Variants in TENM4 observed in about 807,000 individuals in gnomAD.
The protein encoded by TENM4 is teneurin-4.
In TENM4, 82 loss-of-function variants were observed where a neutral mutation model predicts 243.3. The ratio of observed to expected loss-of-function variants is 0.34; its 90% CI spans 0.28 to 0.40. The LOEUF is 0.40. Among genes scored for constraint, TENM4 ranks in the 10% least tolerant of loss-of-function variants. TENM4 has a pLI of 1.00. For missense variants in TENM4, 3,138 were observed against 3,673.3 expected, an observed-to-expected ratio of 0.85 and a Z score of 3.77; for synonymous variants, 1,412 against 1,456.3, an observed-to-expected ratio of 0.97 and a Z score of 0.69.
intron 3 of TENM4, among the ~76,000 whole-genome samples, chr11:79,162,495 A>ATTG (rs1332680606): frequency 1.8e-4 from 25 of 142,416 alleles, no homozygotes; most frequent in African/African-American, 6.8e-4. Context: ...ATTTATTATT[A>ATTG]TTGTTATCTG....
intron 3 of TENM4, among the ~76,000 whole-genome samples, chr11:79,162,945 G>C (rs1862784143): frequency 6.6e-6 from 1 of 152,246 alleles, no homozygotes; most frequent in Non-Finnish European, 1.5e-5. Flanking sequence ...CTTCAGCTCT[G>C]AGGGAGCTAT....
At chr11:78,743,765 T>C (rs1391029888) in intron 19 of TENM4, among the ~76,000 whole-genome samples, 2 of 152,178 alleles carry the variant, frequency 1.3e-5, no homozygotes, top group African/African-American at 4.8e-5. Flanking sequence ...GATTATTCAA[T>C]GTATATTATA....
chr11:79,296,193 G>A (rs375271196), intron 2 of TENM4, among the ~76,000 whole-genome samples: 1 of 152,154 alleles, frequency 6.6e-6, no homozygotes, highest in African/African-American at 2.4e-5. Flanking sequence ...CTAATCCACA[G>A]CATTCTCTGT....
In TENM4 at chr11:79,192,714, C is replaced by A. The variant is rs570307904; in HGVS notation, c.-163+23094G>T. Among the ~76,000 whole-genome samples, 15 of 151,864 alleles carry A rather than the reference C, an allele frequency of 9.9e-5. No individual in the cohort carries two copies. In the South Asian group the frequency reaches 3.1e-3, roughly 32 times the overall value. On this transcript the variant is annotated intron_variant, in intron 3 of 33. Coordinates refer to ENST00000278550, the MANE Select transcript of TENM4 (RefSeq NM_001098816.3). ...AGTGTCCTATGACCCTGCCAAATCC[C>A]CCTCTGTGAGAAACACCCAAGAATG...
chr11:79,020,074 A>G (rs1406001479), intron 6 of TENM4, among the ~76,000 whole-genome samples: 1 of 152,144 alleles, frequency 6.6e-6, no homozygotes, highest in Non-Finnish European at 1.5e-5. Context: ...GCCCTTTCCC[A>G]AAACTCATCA....
intron 6 of TENM4, among the ~76,000 whole-genome samples, chr11:78,955,893 G>T (rs991129): frequency 1.3e-5 from 2 of 152,138 alleles, no homozygotes; most frequent in Non-Finnish European, 1.5e-5. Flanking sequence ...GGGCCATAAT[G>T]GTCTGCCCCA....
chr11:79,184,417 C>T (rs1438897055), intron 3 of TENM4, among the ~76,000 whole-genome samples: 4 of 152,058 alleles, frequency 2.6e-5, no homozygotes, highest in Non-Finnish European at 4.4e-5. Flanking sequence ...GAATTTAATG[C>T]CCCCACTGAT....
intron 4 of TENM4, among the ~76,000 whole-genome samples, chr11:79,100,528 AG>A (rs1164989220): frequency 6.6e-6 from 1 of 152,190 alleles, no homozygotes; most frequent in African/African-American, 2.4e-5. Context: ...GGCAGGACTG[AG>A]GCCTGCCCTC....
intron 7 of TENM4, among the ~76,000 whole-genome samples, chr11:78,891,649 CAA>C (rs899734665): frequency 6.6e-6 from 1 of 152,190 alleles, no homozygotes; most frequent in African/African-American, 2.4e-5. Flanking sequence ...CTCAAATCTT[CAA>C]AATGGCTATG....
intron 12 of TENM4, among the ~76,000 whole-genome samples, chr11:78,831,365 G>A (rs140486347): frequency 1.6e-4 from 24 of 152,322 alleles, no homozygotes; most frequent in East Asian, 9.6e-4. Context: ...GCTCCTGGCC[G>A]GGTGAAGAGC....
intron 19 of TENM4, among the ~76,000 whole-genome samples, chr11:78,740,753 G>A (rs1855911661): frequency 6.6e-6 from 1 of 152,196 alleles, no homozygotes; most frequent in Non-Finnish European, 1.5e-5. Context: ...CAGTCCTGGG[G>A]GGATGGCTTC....
chr11:79,405,689 T>C (rs1247667828), intron 1 of TENM4, among the ~76,000 whole-genome samples: 2 of 151,952 alleles, frequency 1.3e-5, no homozygotes, highest in Non-Finnish European at 2.9e-5. Context: ...TCCCCATATA[T>C]ATCATTTTGA....
intron 1 of TENM4, among the ~76,000 whole-genome samples, chr11:79,402,320 G>T (rs1565331695): frequency 6.6e-6 from 1 of 152,194 alleles, no homozygotes; most frequent in Non-Finnish European, 1.5e-5. Flanking sequence ...CTGAATATCA[G>T]TGACACAAAT....
chr11:79,400,837 G>A (rs1180818812), intron 1 of TENM4, among the ~76,000 whole-genome samples: 1 of 152,110 alleles, frequency 6.6e-6, no homozygotes, highest in Non-Finnish European at 1.5e-5. Flanking sequence ...GTTTGCCATC[G>A]TTCCACTTTA....
At chr11:78,896,460 G>C (rs770018459) in intron 7 of TENM4, among the ~76,000 whole-genome samples, 2 of 152,152 alleles carry the variant, frequency 1.3e-5, no homozygotes, top group African/African-American at 2.4e-5. Flanking sequence ...GCTCTTGCTA[G>C]CTATTCACCC....
chr11:79,155,191 G>A (rs570719370), intron 3 of TENM4, among the ~76,000 whole-genome samples: 1 of 152,160 alleles, frequency 6.6e-6, no homozygotes, highest in Non-Finnish European at 1.5e-5. Context: ...CCAGAAGAGG[G>A]ACAGATCCGG....
chr11:78,816,847 G>A (rs954592209), intron 12 of TENM4, among the ~76,000 whole-genome samples: 1 of 152,194 alleles, frequency 6.6e-6, no homozygotes, highest in African/African-American at 2.4e-5. Context: ...TAAGTCAACT[G>A]TTGCATGAGG....
chr11:78,916,327 C>T (rs1856315739), intron 6 of TENM4, among the ~76,000 whole-genome samples: 1 of 152,142 alleles, frequency 6.6e-6, no homozygotes, highest in South Asian at 2.1e-4. Context: ...TAGAAAGGAT[C>T]AATTTAGGCT....
intron 6 of TENM4, among the ~76,000 whole-genome samples, chr11:78,943,565 C>T (rs533807349): frequency 3.3e-4 from 51 of 152,264 alleles, no homozygotes; most frequent in African/African-American, 1.2e-3. Context: ...CATTTAATTG[C>T]CTGTCATAAA....
Sources: allele counts gnomAD v4.1 joint callset (sites outside exome capture counted in the v4.1 genomes callset), GRCh38; gene constraint gnomAD v4.1.1; transcripts MANE v1.5; gene names NCBI Gene and HGNC (gene_info 2026-07-23, HGNC 2026-07-21).